DHX35: variants seen among roughly 807,000 people sequenced by gnomAD.
The protein encoded by DHX35 is probable ATP-dependent RNA helicase DHX35.
DHX35 carries 84 observed loss-of-function variants against 99.6 expected under a neutral mutation model. The observed-to-expected ratio is 0.84, with a 90% CI of 0.71 to 1.01. DHX35 has a LOEUF of 1.01. DHX35 is among the 50% of genes least tolerant of loss of function. DHX35 has a pLI of 0.00. For synonymous variants in DHX35, 331 were observed against 316.2 expected, an observed-to-expected ratio of 1.05 and a Z score of -0.50; for missense variants, 852 against 888.5, an observed-to-expected ratio of 0.96 and a Z score of 0.52.
Position 39,018,133 on chromosome 20 carries a change from C to T in DHX35, c.1403-671C>T, listed in dbSNP as rs565819389. On this transcript the variant is annotated intron_variant, in intron 14 of 21. Coordinates refer to ENST00000252011, the MANE Select transcript of DHX35 (RefSeq NM_021931.4). ...TGATTCAGTTACCTCCACTCGGCCC[C>T]GCCCTTGACATGTTTACAATTCAAG... Among the ~76,000 whole-genome samples, 98 of 152,284 alleles carry T rather than the reference C, an allele frequency of 6.4e-4. 2 individuals carry two copies. The highest frequency in any genetic ancestry group is 2.3e-3 in the African/African-American group (94 of 41,570).
In DHX35 at chr20:39,003,922, A is replaced by G. The variant is rs1442117877; in HGVS notation, c.1011+15A>G. The G allele has an allele frequency of 1.9e-6, 3 of 1,612,584 alleles. No homozygotes were observed. In the African/African-American group the frequency reaches 4.0e-5, roughly 22 times the overall value. On this transcript the variant is annotated intron_variant, in intron 11 of 21. Coordinates refer to ENST00000252011, the MANE Select transcript of DHX35 (RefSeq NM_021931.4). ...GTGTCAGAAAGGTGAGACTATCCTG[A>G]TGACCAAGGGTGTTGGCAGCCGTCT...
At chr20:39,038,428 T>C (rs1600468400) in intron 21 of DHX35, 71 bp from the exon 22 acceptor site, 1 of 1,515,000 alleles carries the variant, frequency 6.6e-7, no homozygotes, top group East Asian at 2.3e-5. Context: ...GTCATTCATA[T>C]GGGGATTATG....
chr20:39,006,067 A>G, intron 11 of DHX35, 79 bp from the exon 12 acceptor site: 1 of 1,498,040 alleles, frequency 6.7e-7, no homozygotes, highest in Non-Finnish European at 9.2e-7. Flanking sequence ...GAAATGTTAA[A>G]TCTTTTAGGA....
At position 39,020,656 on chromosome 20, in the gene DHX35, C is replaced by CTTTTTTTTTTTTTTT. The variant is rs57246257; in HGVS notation, c.1499-1179_1499-1165dup. Among the ~76,000 whole-genome samples, 19 of 105,222 alleles carry CTTTTTTTTTTTTTTT rather than the reference C, an allele frequency of 1.8e-4. 1 individual carries two copies. Among genetic ancestry groups the CTTTTTTTTTTTTTTT allele is most frequent in the East Asian group, 3.1e-4 (1 of 3,242 alleles). The allele number at this position is 105,222 out of a possible 152,430, so 69.0% of individuals were successfully genotyped here. ...CAGCCTTCCATTTAGAAACAGGATT[C>CTTTTTTTTTTTTTTT]TTTTTTTTTTTTTTTTTTTTGAGAC... is the stretch of plus-strand genomic sequence containing the variant. On this transcript the variant is annotated intron_variant, in intron 15 of 21. Coordinates refer to ENST00000252011, the MANE Select transcript of DHX35 (RefSeq NM_021931.4).
chr20:38,987,993 C>T (rs1287444751), intron 4 of DHX35, among the ~76,000 whole-genome samples: 6 of 152,116 alleles, frequency 3.9e-5, no homozygotes, highest in African/African-American at 1.2e-4. Context: ...ATGGTAATTC[C>T]TGTTCTGCCT....
At position 38,992,401 on chromosome 20, in the gene DHX35, C is replaced by A. The variant is rs867232668; in HGVS notation, c.558C>A (p.Asp186Glu). Reference sequence around the variant, plus strand: ...CCCACGAGAGGACCTTGTACACTGACATTGCCATTGGCTTGCTAAAAAAGG... The same window carrying A: ...CCCACGAGAGGACCTTGTACACTGAAATTGCCATTGGCTTGCTAAAAAAGG... ...DEAHERTLYTDIAIGLLKKIQ... is the reference protein window; with the variant it reads ...DEAHERTLYTEIAIGLLKKIQ... Residue 186 changes from aspartate (D) to glutamate (E), a missense_variant, in exon 7 of 22, where the codon GAC becomes GAA. Transcript: ENST00000252011. The A allele has an allele frequency of 6.2e-7, 1 of 1,614,088 alleles. No individual in the cohort carries two copies. The highest frequency in any genetic ancestry group is 1.3e-5 in the African/African-American group (1 of 75,028).
At chr20:39,003,655 G>C in intron 10 of DHX35, 94 bp from the exon 11 acceptor site, 1 of 1,462,144 alleles carries the variant, frequency 6.8e-7, no homozygotes, top group Non-Finnish European at 9.3e-7. Context: ...CAAAATTAAA[G>C]TCCAGATCCC....
intron 21 of DHX35, among the ~76,000 whole-genome samples, chr20:39,035,988 A>G (rs968226224): frequency 5.3e-5 from 8 of 152,216 alleles, no homozygotes; most frequent in Non-Finnish European, 7.3e-5. Flanking sequence ...AATTAGGTTG[A>G]TAAGAATAAA....
At chr20:39,029,447 G>T (rs573276156) in intron 19 of DHX35, 2 of 150,566 alleles carry the variant, frequency 1.3e-5, no homozygotes, top group East Asian at 3.9e-4. Flanking sequence ...CCTAGTAGCC[G>T]ACTGTTGGAA....
In DHX35 at chr20:39,034,219, G is replaced by C. The variant is rs145670067; in HGVS notation, c.1969G>C (p.Glu657Gln). 9.0e-5 allele frequency: 145 copies of C among 1,612,906 alleles called. No individual in the cohort carries two copies. The highest frequency in any genetic ancestry group is 1.2e-4 in the Non-Finnish European group (140 of 1,179,162). ...TTCTCATTTCAGGGTCATCTATAAC[G>C]AAGTTATACAGACCTCCAAGTACTA... ...EKPPRWVIYNEVIQTSKYYMR... is the reference protein window; with the variant it reads ...EKPPRWVIYNQVIQTSKYYMR... Residue 657 changes from glutamate (E) to glutamine (Q), a missense_variant, in exon 21 of 22, where the codon GAA becomes CAA. By Grantham distance (29) the Glu-to-Gln change is conservative. Coordinates refer to ENST00000252011, the MANE Select transcript of DHX35 (RefSeq NM_021931.4).
intron 6 of DHX35, 89 bp from the exon 7 acceptor site, chr20:38,992,267 A>G: frequency 9.5e-7 from 1 of 1,048,676 alleles, no homozygotes; most frequent in South Asian, 1.3e-5. Flanking sequence ...TTGTATGAGG[A>G]CTAAATACCC....
At chr20:39,007,114 ATTTTG>A (rs1016368926) in intron 12 of DHX35, among the ~76,000 whole-genome samples, 2 of 152,012 alleles carry the variant, frequency 1.3e-5, no homozygotes, top group Non-Finnish European at 2.9e-5. Context: ...AGGGTTTTTT[ATTTTG>A]TTTTGTTTCT....
At chr20:39,002,111 G>A (rs1385305601) in intron 9 of DHX35, among the ~76,000 whole-genome samples, 1 of 152,208 alleles carries the variant, frequency 6.6e-6, no homozygotes, top group Admixed American at 6.5e-5. Flanking sequence ...GGGGAGGGAA[G>A]CTTGATAGTT....
intron 8 of DHX35, 110 bp downstream of exon 8, chr20:38,994,990 T>C: frequency 1.1e-6 from 1 of 875,668 alleles, no homozygotes. Flanking sequence ...TGCCCTATCT[T>C]CTTTATGGGA....
chr20:39,011,765 T>C (rs952951486), intron 13 of DHX35, among the ~76,000 whole-genome samples: 1 of 152,240 alleles, frequency 6.6e-6, no homozygotes, highest in South Asian at 2.1e-4. Flanking sequence ...CTGTATATGA[T>C]ATGACAAGTC....
chr20:39,033,666 C>G (rs1274043274), intron 20 of DHX35, among the ~76,000 whole-genome samples: 2 of 152,174 alleles, frequency 1.3e-5, no homozygotes, highest in African/African-American at 2.4e-5. Flanking sequence ...GCTCTTGGCT[C>G]TTCGGTTGTC....
chr20:38,980,018 C>T (rs186757153), intron 3 of DHX35, among the ~76,000 whole-genome samples: 106 of 152,240 alleles, frequency 7.0e-4, no homozygotes, highest in Non-Finnish European at 1.2e-3. Flanking sequence ...ACTTCAGCTA[C>T]GTTTTAGTGA....
intron 13 of DHX35, among the ~76,000 whole-genome samples, chr20:39,010,886 A>C (rs1490699482): frequency 6.6e-6 from 1 of 152,122 alleles, no homozygotes; most frequent in Non-Finnish European, 1.5e-5. Context: ...TAGGAGTAGA[A>C]TGACTGGGTC....
At chr20:38,985,374 CAAAAAAAAAAAA>C (rs58084339) in intron 4 of DHX35, among the ~76,000 whole-genome samples, 2 of 73,934 alleles carry the variant, frequency 2.7e-5, no homozygotes, top group East Asian at 3.4e-4. Context: ...ACCCTATCTC[CAAAAAAAAAAAA>C]AAAAAAAAAG....
Sources: gnomAD v4.1 joint callset for allele counts (sites outside exome capture counted in the v4.1 genomes callset) on GRCh38, gnomAD v4.1.1 for gene constraint, MANE v1.5 for transcripts, NCBI Gene and HGNC (gene_info 2026-07-23, HGNC 2026-07-21) for gene names.